Variants in SLC35D4 observed in about 807,000 individuals in gnomAD.
The protein encoded by SLC35D4 is solute carrier family 35 member D4, also known as UDP-N-acetylglucosamine transporter SLC35D4.
At chr18:23,297,160 T>G in the SLC35D4 span, 1 of 152,326 alleles carries the variant, frequency 6.6e-6, no homozygotes, top group South Asian at 2.1e-4. Context: ...TGAGCTAGAT[T>G]TAACCATTCC....
At chr18:23,292,566 C>T in the SLC35D4 span, among the ~76,000 whole-genome samples, 1 of 152,238 alleles carries the variant, frequency 6.6e-6, no homozygotes, top group East Asian at 1.9e-4. Context: ...GAGGAATCCA[C>T]ACCTCAGCAC....
At chr18:23,372,539 A>G in the SLC35D4 span, among the ~76,000 whole-genome samples, 1 of 152,312 alleles carries the variant, frequency 6.6e-6, no homozygotes, top group Non-Finnish European at 1.5e-5. Context: ...TCCTTATTCT[A>G]TGCTATGAAA....
At chr18:23,261,779 A>T in the SLC35D4 span, among the ~76,000 whole-genome samples, 8 of 152,376 alleles carry the variant, frequency 5.3e-5, no homozygotes, top group South Asian at 1.7e-3. Flanking sequence ...TCAGCCTAGC[A>T]TCTCCAAGGG....
chr18:23,253,070 C>T, the SLC35D4 span: 837 of 1,579,470 alleles, frequency 5.3e-4, 14 homozygotes, highest in South Asian at 7.2e-3. Flanking sequence ...TTAGGAGGTA[C>T]GGGAGGCTGG....
chr18:23,385,362 C>T, the SLC35D4 span, among the ~76,000 whole-genome samples: 1 of 152,218 alleles, frequency 6.6e-6, no homozygotes, highest in Non-Finnish European at 1.5e-5. Flanking sequence ...TAAACATGCC[C>T]CCTCAGGCGA....
the SLC35D4 span, among the ~76,000 whole-genome samples, chr18:23,273,515 C>A: frequency 6.6e-6 from 1 of 152,108 alleles, no homozygotes; most frequent in South Asian, 2.1e-4. Flanking sequence ...GAAAGTGAAC[C>A]AGCATGGGAA....
the SLC35D4 span, among the ~76,000 whole-genome samples, chr18:23,265,670 G>A: frequency 3.9e-5 from 6 of 152,126 alleles, no homozygotes; most frequent in Non-Finnish European, 8.8e-5. Context: ...AGCTGCCGTG[G>A]CCCCACTGAG....
At chr18:23,388,978 CAAGTAG>C in the SLC35D4 span, among the ~76,000 whole-genome samples, 3 of 149,608 alleles carry the variant, frequency 2.0e-5, no homozygotes, top group Non-Finnish European at 3.0e-5. Context: ...ATTACCCAGT[CAAGTAG>C]TTCTTTTTTT....
the SLC35D4 span, among the ~76,000 whole-genome samples, chr18:23,386,063 G>A: frequency 6.8e-6 from 1 of 147,902 alleles, no homozygotes; most frequent in African/African-American, 2.5e-5. Flanking sequence ...AACCCAGGAG[G>A]CAGAACTTGC....
At chr18:23,319,552 T>C in the SLC35D4 span, among the ~76,000 whole-genome samples, 3 of 152,120 alleles carry the variant, frequency 2.0e-5, no homozygotes, top group African/African-American at 7.2e-5. Context: ...CAAGCAATTC[T>C]CCTGCCTCCT....
the SLC35D4 span, chr18:23,421,293 C>A: frequency 8.1e-7 from 1 of 1,241,144 alleles, no homozygotes; most frequent in South Asian, 1.2e-5. Flanking sequence ...CAGTGTAACA[C>A]CATATGAAAT....
chr18:23,373,570 C>T, the SLC35D4 span: 1 of 882,538 alleles, frequency 1.1e-6, no homozygotes, highest in South Asian at 1.5e-5. Context: ...CCCAGAGCTA[C>T]CCAGCCTGCA....
At chr18:23,337,908 T>C in the SLC35D4 span, among the ~76,000 whole-genome samples, 2 of 152,178 alleles carry the variant, frequency 1.3e-5, no homozygotes, top group African/African-American at 4.8e-5. Context: ...TTCATAAGGA[T>C]ACATCAAAAA....
the SLC35D4 span, chr18:23,373,820 T>G: frequency 6.3e-7 from 1 of 1,587,536 alleles, no homozygotes; most frequent in Non-Finnish European, 8.6e-7. Context: ...AAGGTTTCCC[T>G]AAGAGCGTGG....
At chr18:23,328,141 C>T in the SLC35D4 span, among the ~76,000 whole-genome samples, 1 of 152,174 alleles carries the variant, frequency 6.6e-6, no homozygotes, top group African/African-American at 2.4e-5. Context: ...TGAAAACTGG[C>T]ACAAGACAGG....
the SLC35D4 span, chr18:23,399,643 G>C: frequency 6.2e-7 from 1 of 1,613,656 alleles, no homozygotes; most frequent in Non-Finnish European, 8.5e-7. Context: ...ACAAGAACAT[G>C]AGATCTGAAA....
the SLC35D4 span, among the ~76,000 whole-genome samples, chr18:23,249,922 T>G: frequency 6.6e-6 from 1 of 152,212 alleles, no homozygotes; most frequent in African/African-American, 2.4e-5. Context: ...GAGACCAGGA[T>G]CCCAGCGCTG....
chr18:23,244,359 T>G, the SLC35D4 span, among the ~76,000 whole-genome samples: 1 of 152,248 alleles, frequency 6.6e-6, no homozygotes, highest in Non-Finnish European at 1.5e-5. Flanking sequence ...GTGCAAACCC[T>G]TTCATTTCAG....
chr18:23,398,226 G>A, the SLC35D4 span, among the ~76,000 whole-genome samples: 5 of 152,124 alleles, frequency 3.3e-5, no homozygotes, highest in East Asian at 1.9e-4. Flanking sequence ...AAAAGGACAC[G>A]AAGGAAATCA....
Sources: allele counts gnomAD v4.1 joint callset (sites outside exome capture counted in the v4.1 genomes callset), GRCh38; gene constraint gnomAD v4.1.1; transcripts MANE v1.5; gene names NCBI Gene and HGNC (gene_info 2026-07-23, HGNC 2026-07-21).